The following SLC39A11 variants were observed in gnomAD, a reference collection of about 807,000 sequenced individuals.
SLC39A11 encodes the protein solute carrier family 39 member 11.
SLC39A11 carries 33 observed loss-of-function variants against 36.1 expected under a neutral mutation model. The observed-to-expected ratio is 0.91, with a 90% CI of 0.69 to 1.22. SLC39A11 has a LOEUF of 1.22. Among genes scored for constraint, SLC39A11 ranks in the 50% most tolerant of loss-of-function variants. The pLI is 0.00. For missense variants in SLC39A11, 432 were observed against 430.3 expected (o/e 1.00, Z -0.03); for synonymous variants, 166 against 170.3 (o/e 0.97, Z 0.20).
At chr17:72,807,546 C>T (rs2077299259) in intron 6 of SLC39A11, among the ~76,000 whole-genome samples, 1 of 152,072 alleles carries the variant, frequency 6.6e-6, no homozygotes, top group African/African-American at 2.4e-5. Context: ...AATTATCAAC[C>T]CCACCCACTG....
chr17:72,749,553 AGTGTG>A (rs1295027210), intron 6 of SLC39A11, among the ~76,000 whole-genome samples: 1 of 152,232 alleles, frequency 6.6e-6, no homozygotes, highest in Non-Finnish European at 1.5e-5. Flanking sequence ...GGCAATGAGT[AGTGTG>A]GTCAGACGGG....
intron 4 of SLC39A11, among the ~76,000 whole-genome samples, chr17:72,969,401 G>C (rs561691912): frequency 9.2e-4 from 140 of 152,134 alleles, no homozygotes; most frequent in South Asian, 1.5e-3. Context: ...AGAGGGACAG[G>C]ATCCATTTCA....
intron 3 of SLC39A11, among the ~76,000 whole-genome samples, chr17:73,042,920 T>C (rs1279748664): frequency 1.3e-5 from 2 of 152,188 alleles, no homozygotes; most frequent in East Asian, 1.9e-4. Flanking sequence ...AATCAGCAAT[T>C]CCTAAGCAGA....
intron 5 of SLC39A11, among the ~76,000 whole-genome samples, chr17:72,915,371 T>G (rs1255260797): frequency 6.6e-6 from 1 of 152,166 alleles, no homozygotes; most frequent in Non-Finnish European, 1.5e-5. Context: ...TACCTAATTG[T>G]TACCCTGCCC....
chr17:72,821,052 C>T (rs1386042853), intron 6 of SLC39A11, among the ~76,000 whole-genome samples: 1 of 151,068 alleles, frequency 6.6e-6, no homozygotes. Flanking sequence ...AATGGTCTCT[C>T]CTCCAGATTA....
chr17:73,043,647 C>T (rs2059179686), intron 3 of SLC39A11, among the ~76,000 whole-genome samples: 1 of 152,154 alleles, frequency 6.6e-6, no homozygotes, highest in Non-Finnish European at 1.5e-5. Context: ...GGGACACCAA[C>T]ATCCAGCTGT....
chr17:72,731,896 T>G lies in SLC39A11; in HGVS notation c.671+4754A>C, dbSNP rs554140251. ...GCCCACCATCACGCCTGGCTAGTTT[T>G]TTGTATTTTCAGTAGAGGTGGGGTT... On this transcript the variant is annotated intron_variant, in intron 7 of 9. Coordinates refer to ENST00000255559, the MANE Select transcript of SLC39A11 (RefSeq NM_139177.4). Among the ~76,000 whole-genome samples, 1,068 of 151,916 alleles carry G rather than the reference T, an allele frequency of 7.0e-3. 15 individuals are homozygous for G. Among genetic ancestry groups the G allele is most frequent in the African/African-American group, 0.024 (1,010 of 41,430 alleles).
intron 3 of SLC39A11, among the ~76,000 whole-genome samples, chr17:73,057,703 C>T (rs1354471457): frequency 3.9e-5 from 6 of 152,236 alleles, no homozygotes; most frequent in East Asian, 3.9e-4. Context: ...TTTGGGAGGC[C>T]GAGGCGGGCA....
chr17:72,998,565 A>T (rs1402131765), intron 4 of SLC39A11, among the ~76,000 whole-genome samples: 1 of 152,226 alleles, frequency 6.6e-6, no homozygotes, highest in Non-Finnish European at 1.5e-5. Context: ...TTGGCACTAA[A>T]TGAATCACAG....
In SLC39A11 at chr17:72,821,054, T is replaced by A. The variant is rs776084629; in HGVS notation, c.601+28580A>T. Among the ~76,000 whole-genome samples, 105 of 151,290 alleles carry A rather than the reference T, an allele frequency of 6.9e-4. 1 individual carries two copies. The highest frequency in any genetic ancestry group is 3.4e-3 in the Middle Eastern group (1 of 294). Reference sequence around the variant, plus strand: ...GTGTTGCAGATTGAATGGTCTCTCCTCCAGATTAATATGTAGATGTCCCAA... The same window carrying A: ...GTGTTGCAGATTGAATGGTCTCTCCACCAGATTAATATGTAGATGTCCCAA... On this transcript the variant is annotated intron_variant, in intron 6 of 9. Coordinates refer to ENST00000255559, the MANE Select transcript of SLC39A11 (RefSeq NM_139177.4).
At chr17:72,900,138 GAAAA>G (rs1294098260) in intron 5 of SLC39A11, among the ~76,000 whole-genome samples, 2 of 70,424 alleles carry the variant, frequency 2.8e-5, no homozygotes, top group African/African-American at 1.2e-4. Context: ...AAGAAAGAAA[GAAAA>G]AGAAAGAAAG....
At chr17:73,072,048 C>A (rs1033918335) in intron 3 of SLC39A11, among the ~76,000 whole-genome samples, 1 of 152,166 alleles carries the variant, frequency 6.6e-6, no homozygotes, top group African/African-American at 2.4e-5. Context: ...TCCTATAGAG[C>A]AACTAATAAG....
intron 5 of SLC39A11, among the ~76,000 whole-genome samples, chr17:72,936,182 A>G (rs1224517355): frequency 6.6e-6 from 1 of 152,086 alleles, no homozygotes; most frequent in Non-Finnish European, 1.5e-5. Context: ...TGGGCGACAG[A>G]GTGAGATGCT....
intron 5 of SLC39A11, among the ~76,000 whole-genome samples, chr17:72,937,272 C>A (rs2084830351): frequency 6.6e-6 from 1 of 152,038 alleles, no homozygotes; most frequent in South Asian, 2.1e-4. Context: ...GAAACCACCC[C>A]CCTCCCTGGT....
At chr17:72,701,796 G>GA (rs376856578) in intron 7 of SLC39A11, among the ~76,000 whole-genome samples, 55 of 49,702 alleles carry the variant, frequency 1.1e-3, no homozygotes, top group Admixed American at 3.5e-3. Flanking sequence ...GGAAGGAAAA[G>GA]AAAAAAAAAA....
intron 6 of SLC39A11, among the ~76,000 whole-genome samples, chr17:72,807,611 C>G (rs573488289): frequency 1.3e-5 from 2 of 152,178 alleles, no homozygotes; most frequent in African/African-American, 4.8e-5. Context: ...AAAAACTCAA[C>G]AAGAAGATAT....
At chr17:73,038,775 GGGAGGGA>G (rs1457089469) in intron 3 of SLC39A11, among the ~76,000 whole-genome samples, 6 of 141,676 alleles carry the variant, frequency 4.2e-5, no homozygotes, top group South Asian at 2.4e-4. Flanking sequence ...GGATGGAGGA[GGGAGGGA>G]GGAGGGAGGA....
chr17:73,033,305 T>G (rs1028688440), intron 3 of SLC39A11, among the ~76,000 whole-genome samples: 9 of 152,146 alleles, frequency 5.9e-5, no homozygotes, highest in Admixed American at 6.5e-5. Context: ...AGGCAGTAAG[T>G]AGCAGATCCA....
At chr17:72,724,509 C>T (rs1248279673) in intron 7 of SLC39A11, among the ~76,000 whole-genome samples, 1 of 152,088 alleles carries the variant, frequency 6.6e-6, no homozygotes, top group East Asian at 1.9e-4. Flanking sequence ...CCTTTTGAGA[C>T]ATCCTGGATG....
Sources: allele counts gnomAD v4.1 joint callset (sites outside exome capture counted in the v4.1 genomes callset), GRCh38; gene constraint gnomAD v4.1.1; transcripts MANE v1.5; gene names NCBI Gene and HGNC (gene_info 2026-07-23, HGNC 2026-07-21).